The following DEK variants were observed in gnomAD, a reference collection of about 807,000 sequenced individuals.
The protein encoded by DEK is protein DEK.
DEK carries 28 observed loss-of-function variants against 46.8 expected under a neutral mutation model. The ratio of observed to expected loss-of-function variants is 0.60; its 90% CI spans 0.44 to 0.82. The LOEUF (loss-of-function observed/expected upper bound fraction) is 0.82, where lower values mean the gene tolerates loss of function less well. Ranked by LOEUF, DEK falls within the 40% of genes least tolerant of loss-of-function variation. The pLI is 0.00. For synonymous variants in DEK, 160 were observed against 144.5 expected (o/e 1.11, Z -0.77); for missense variants, 416 against 430.6 (o/e 0.97, Z 0.30).
intron 7 of DEK, among the ~76,000 whole-genome samples, chr6:18,245,759 C>T (rs1248208162): frequency 6.6e-6 from 1 of 152,176 alleles, no homozygotes; most frequent in Non-Finnish European, 1.5e-5. Context: ...GTGGTTTAAC[C>T]TCAACGGCTC....
chr6:18,237,614 A>G (rs1338898805), intron 7 of DEK, 98 bp from the exon 8 acceptor site: 2 of 1,418,440 alleles, frequency 1.4e-6, no homozygotes, highest in African/African-American at 1.5e-5. Flanking sequence ...AATATTAGAG[A>G]AAACCAATAT....
chr6:18,263,660 C>G (rs888538749), intron 2 of DEK, among the ~76,000 whole-genome samples, 183 bp downstream of exon 2: 1 of 152,236 alleles, frequency 6.6e-6, no homozygotes, highest in African/African-American at 2.4e-5. Context: ...CCGGAATACA[C>G]AAAGTCAATT....
At chr6:18,256,576 G>C in intron 4 of DEK, 121 bp from the exon 5 acceptor site, 1 of 694,028 alleles carries the variant, frequency 1.4e-6, no homozygotes, top group Non-Finnish European at 2.3e-6. Flanking sequence ...TACAATACTG[G>C]CTGAACAGTC....
At chr6:18,259,548 C>T (rs1355774784) in intron 2 of DEK, among the ~76,000 whole-genome samples, 5 of 151,300 alleles carry the variant, frequency 3.3e-5, no homozygotes, top group African/African-American at 9.7e-5. Flanking sequence ...ATATACTGCT[C>T]GAGGTTCTGC....
chr6:18,254,928 C>T (rs775790763), intron 6 of DEK, among the ~76,000 whole-genome samples: 8 of 152,134 alleles, frequency 5.3e-5, no homozygotes, highest in Non-Finnish European at 7.3e-5. Flanking sequence ...CAAGGGCGGA[C>T]GAAAACGAAG....
chr6:18,239,654 G>T (rs549715433), intron 7 of DEK, among the ~76,000 whole-genome samples: 1 of 152,190 alleles, frequency 6.6e-6, no homozygotes, highest in East Asian at 1.9e-4. Context: ...GTAAGTACAT[G>T]AATTTCCCAT....
At chr6:18,233,911 G>A (rs908976894) in intron 9 of DEK, among the ~76,000 whole-genome samples, 7 of 152,156 alleles carry the variant, frequency 4.6e-5, no homozygotes, top group African/African-American at 1.2e-4. Context: ...TGTTTATTGC[G>A]GCACTATTCA....
Position 18,235,700 on chromosome 6 carries a change from G to A in DEK, c.1047+752C>T, listed in dbSNP as rs531901734. Among the ~76,000 whole-genome samples the A allele has an allele frequency of 2.1e-3, 322 of 152,210 alleles. 1 individual carries two copies. The highest frequency in any genetic ancestry group is 2.7e-3 in the Non-Finnish European group (182 of 68,012). On this transcript the variant is annotated intron_variant, in intron 9 of 10. Transcript: ENST00000652689. ...GACGGGATCTCACTATGCTGCCCAG[G>A]TTGGTCTTGAACTCCTGGCCTCAAG...
intron 7 of DEK, among the ~76,000 whole-genome samples, chr6:18,242,561 C>T (rs901866146): frequency 7.9e-5 from 12 of 152,140 alleles, no homozygotes; most frequent in African/African-American, 2.2e-4. Flanking sequence ...CACTCCTGCC[C>T]GGGATGTGAA....
At chr6:18,234,402 C>T (rs1790561150) in intron 9 of DEK, among the ~76,000 whole-genome samples, 1 of 152,028 alleles carries the variant, frequency 6.6e-6, no homozygotes, top group Non-Finnish European at 1.5e-5. Context: ...ACCCCAATCC[C>T]GAATTGGTCT....
chr6:18,240,531 G>A (rs914687047), intron 7 of DEK, among the ~76,000 whole-genome samples: 1 of 152,166 alleles, frequency 6.6e-6, no homozygotes, highest in Non-Finnish European at 1.5e-5. Flanking sequence ...CAGATGAAAA[G>A]TATTTTTGGT....
At chr6:18,233,276 A>G (rs1020293551) in intron 9 of DEK, among the ~76,000 whole-genome samples, 1 of 152,204 alleles carries the variant, frequency 6.6e-6, no homozygotes, top group Non-Finnish European at 1.5e-5. Flanking sequence ...AATACCATTC[A>G]GGACATAGGC....
At chr6:18,235,769 G>A (rs532883979) in intron 9 of DEK, among the ~76,000 whole-genome samples, 14 of 152,170 alleles carry the variant, frequency 9.2e-5, no homozygotes, top group Non-Finnish European at 1.8e-4. Flanking sequence ...GATTACAGGC[G>A]TGAGCCACCA....
rs565466773 is a variant in DEK, at chr6:18,247,903, C to T, written c.762+1748G>A. On this transcript the variant is annotated intron_variant, in intron 7 of 10. Transcript: ENST00000652689. ...GTGAGGCTGGTCTCGAACTCCTGAC[C>T]TCAGGTGATCCACCCACCTCGGCCT... Among the ~76,000 whole-genome samples the T allele has an allele frequency of 2.0e-5, 3 of 152,230 alleles. No homozygotes were observed. In the East Asian group the frequency reaches 5.8e-4, roughly 29 times the overall value.
intron 9 of DEK, among the ~76,000 whole-genome samples, chr6:18,234,364 T>C (rs1790558695): frequency 6.6e-6 from 1 of 151,780 alleles, no homozygotes. Context: ...AGAAAAAAAT[T>C]GTTTGCCCCT....
intron 9 of DEK, among the ~76,000 whole-genome samples, chr6:18,234,711 C>G (rs866148713): frequency 2.6e-5 from 4 of 152,286 alleles, no homozygotes; most frequent in African/African-American, 9.6e-5. Context: ...TTTGCCTCCA[C>G]AGGACCACCC....
intron 6 of DEK, among the ~76,000 whole-genome samples, chr6:18,250,122 A>G (rs1791302729): frequency 6.6e-6 from 1 of 152,214 alleles, no homozygotes; most frequent in South Asian, 2.1e-4. Context: ...CATTATGTTA[A>G]GCTCCAACGG....
intron 9 of DEK, among the ~76,000 whole-genome samples, chr6:18,231,776 A>G (rs988708732): frequency 6.6e-6 from 1 of 152,234 alleles, no homozygotes; most frequent in Non-Finnish European, 1.5e-5. Context: ...GCTGAATTCT[A>G]CCAGACGTAC....
At chr6:18,241,871 T>C (rs1790904938) in intron 7 of DEK, among the ~76,000 whole-genome samples, 1 of 152,204 alleles carries the variant, frequency 6.6e-6, no homozygotes, top group South Asian at 2.1e-4. Context: ...TTCCTAGATT[T>C]TGAATTATTG....
Sources: gnomAD v4.1 joint callset for allele counts (sites outside exome capture counted in the v4.1 genomes callset) on GRCh38, gnomAD v4.1.1 for gene constraint, MANE v1.5 for transcripts, NCBI Gene and HGNC (gene_info 2026-07-23, HGNC 2026-07-21) for gene names.